Variants in SFSWAP observed in about 807,000 individuals in gnomAD.
SFSWAP encodes the protein splicing factor SWAP.
Under a neutral mutation model 100.7 loss-of-function variants are expected in SFSWAP, and 17 were observed. That is an observed-to-expected ratio of 0.17 (90% CI 0.12 to 0.25). The LOEUF is 0.25. SFSWAP is among the 10% of genes least tolerant of loss of function. The probability of loss-of-function intolerance (pLI) is 1.00; values close to 1 mark genes in which losing one functional copy is unlikely to be tolerated. For synonymous variants in SFSWAP, 504 were observed against 510.1 expected (o/e 0.99, Z 0.16); for missense variants, 1,005 against 1,262.6 (o/e 0.80, Z 3.09).
intron 11 of SFSWAP, among the ~76,000 whole-genome samples, chr12:131,763,206 A>C (rs1225076539): frequency 6.6e-6 from 1 of 152,204 alleles, no homozygotes; most frequent in Non-Finnish European, 1.5e-5. Flanking sequence ...GACCTCCGCC[A>C]GGGGCCAGCC....
intron 7 of SFSWAP, among the ~76,000 whole-genome samples, chr12:131,736,733 G>A (rs980129993): frequency 6.6e-6 from 1 of 152,192 alleles, no homozygotes; most frequent in Admixed American, 6.5e-5. Flanking sequence ...CTTAGGAGAA[G>A]ACGGAGATTT....
chr12:131,739,340 C>T (rs899539420), intron 7 of SFSWAP, among the ~76,000 whole-genome samples: 1 of 151,952 alleles, frequency 6.6e-6, no homozygotes, highest in Admixed American at 6.6e-5. Context: ...GCATTGCCAC[C>T]GCTAGGATAT....
chr12:131,721,363 C>G (rs1181014654), intron 4 of SFSWAP, among the ~76,000 whole-genome samples: 1 of 151,966 alleles, frequency 6.6e-6, no homozygotes, highest in East Asian at 1.9e-4. Flanking sequence ...CTGAAATTAC[C>G]CAAAGATTTG....
At chr12:131,798,452 T>C (rs1054777827) in intron 16 of SFSWAP, among the ~76,000 whole-genome samples, 1 of 152,240 alleles carries the variant, frequency 6.6e-6, no homozygotes, top group Non-Finnish European at 1.5e-5. Context: ...GCTCCACCGT[T>C]CTGCTGAGTC....
At chr12:131,754,570 T>A (rs1881973804) in intron 9 of SFSWAP, 71 bp downstream of exon 9, 1 of 1,155,384 alleles carries the variant, frequency 8.7e-7, no homozygotes, top group Admixed American at 3.0e-5. Context: ...TTTAAAAAAA[T>A]GTAGGTACAG....
chr12:131,715,193 G>T (rs1488912372), intron 3 of SFSWAP, among the ~76,000 whole-genome samples: 1 of 152,218 alleles, frequency 6.6e-6, no homozygotes, highest in Non-Finnish European at 1.5e-5. Context: ...TCGGGTAACA[G>T]AATTACTCAT....
At chr12:131,712,209 A>G (rs1214283122) in intron 1 of SFSWAP, 1 of 152,112 alleles carries the variant, frequency 6.6e-6, no homozygotes, top group Non-Finnish European at 1.5e-5. Flanking sequence ...GTTTCTTTTC[A>G]AATCAAACCT....
At chr12:131,752,788 C>T (rs34625392) in intron 7 of SFSWAP, among the ~76,000 whole-genome samples, 20 of 152,266 alleles carry the variant, frequency 1.3e-4, no homozygotes, top group African/African-American at 4.1e-4. Flanking sequence ...GACTGGTTGC[C>T]GCTAGAGAGG....
intron 7 of SFSWAP, among the ~76,000 whole-genome samples, chr12:131,745,094 A>G (rs1880991800): frequency 6.6e-6 from 1 of 152,240 alleles, no homozygotes; most frequent in Admixed American, 6.5e-5. Context: ...GTTTTATCTC[A>G]GTTGGAAAAT....
At position 131,719,430 on chromosome 12, in the gene SFSWAP, T is replaced by C. The variant is rs756751403; in HGVS notation, c.521-24T>C. On this transcript the variant is annotated intron_variant, in intron 3 of 17. Transcript: ENST00000261674. ...GCCTTCCTCCCTGCATTGTTCTGAA[T>C]TTTTTAATTTTCTTTTTATGCAGAA... 29 of 1,601,366 alleles carry C rather than the reference T, an allele frequency of 1.8e-5. 1 individual carries two copies. The highest frequency in any genetic ancestry group is 1.7e-4 in the Middle Eastern group (1 of 6,034).
At chr12:131,737,743 T>C (rs565452196) in intron 7 of SFSWAP, among the ~76,000 whole-genome samples, 109 of 152,290 alleles carry the variant, frequency 7.2e-4, no homozygotes, top group African/African-American at 2.5e-3. Context: ...GATGGAGATT[T>C]TCCTACATTT....
intron 13 of SFSWAP, among the ~76,000 whole-genome samples, chr12:131,768,633 C>T (rs979878203): frequency 3.3e-5 from 5 of 152,182 alleles, no homozygotes; most frequent in Non-Finnish European, 5.9e-5. Flanking sequence ...TGGCCACCCG[C>T]TGTAGCCTCA....
intron 10 of SFSWAP, 125 bp downstream of exon 10, chr12:131,755,604 ATG>A: frequency 3.0e-6 from 2 of 661,946 alleles, no homozygotes; most frequent in East Asian, 2.7e-5. Flanking sequence ...CCTTTTTTTA[ATG>A]TGTGTCTGGC....
In SFSWAP at chr12:131,799,557, C is replaced by T; in HGVS notation, c.*69C>T. Reference sequence around the variant, plus strand: ...TGGGCAGGCTCACGCAGACGCCGGCCACACCATCCACCTGGCCGCCTCCAT... The same window carrying T: ...TGGGCAGGCTCACGCAGACGCCGGCTACACCATCCACCTGGCCGCCTCCAT... On this transcript the variant is annotated 3_prime_UTR_variant, in exon 18 of 18. Coordinates refer to ENST00000261674, the MANE Select transcript of SFSWAP (RefSeq NM_004592.4). 8 of 1,342,092 alleles carry T rather than the reference C, an allele frequency of 6.0e-6. No individual in the cohort carries two copies. In the East Asian group the frequency reaches 9.5e-5, roughly 16 times the overall value. 83.1% of individuals were successfully genotyped at this position (1,342,092 alleles called of 1,614,324 possible).
chr12:131,777,475 A>T (rs548500225), intron 13 of SFSWAP, among the ~76,000 whole-genome samples: 67 of 152,308 alleles, frequency 4.4e-4, no homozygotes, highest in Non-Finnish European at 8.1e-4. Context: ...ACATGAACTC[A>T]TCATTTTTTA....
At chr12:131,747,523 TGA>T (rs1165542963) in intron 7 of SFSWAP, among the ~76,000 whole-genome samples, 19 of 152,238 alleles carry the variant, frequency 1.2e-4, no homozygotes, top group African/African-American at 4.6e-4. Context: ...TGACCCTGGT[TGA>T]GAGAGGTCGC....
rs140815757 is a variant in SFSWAP, at chr12:131,768,230, G to A, written c.2142+1922G>A. Among the ~76,000 whole-genome samples the A allele has an allele frequency of 7.1e-3, 1,087 of 152,336 alleles. 16 individuals are homozygous for A. The highest frequency in any genetic ancestry group is 0.024 in the African/African-American group (1,011 of 41,572). On this transcript the variant is annotated intron_variant, in intron 13 of 17. Coordinates refer to ENST00000261674, the MANE Select transcript of SFSWAP (RefSeq NM_004592.4). ...GTGTCCATCACTTCCTCTGCAGGCC[G>A]CAGCCACGTTGCTCCAAGTGGCCCC...
intron 15 of SFSWAP, among the ~76,000 whole-genome samples, chr12:131,791,383 T>C (rs1294616316): frequency 6.6e-6 from 1 of 150,410 alleles, no homozygotes; most frequent in African/African-American, 2.5e-5. Context: ...AGTGAGACTC[T>C]ATCTCAAAGA....
chr12:131,795,861 G>A (rs1017192311), intron 15 of SFSWAP, among the ~76,000 whole-genome samples: 1 of 150,786 alleles, frequency 6.6e-6, no homozygotes, highest in Non-Finnish European at 1.5e-5. Context: ...CCTGGATAAC[G>A]AGCGTGAGGC....
Sources: gnomAD v4.1 joint callset for allele counts (sites outside exome capture counted in the v4.1 genomes callset) on GRCh38, gnomAD v4.1.1 for gene constraint, MANE v1.5 for transcripts, NCBI Gene and HGNC (gene_info 2026-07-23, HGNC 2026-07-21) for gene names.